COL4A2: variants seen among roughly 807,000 people sequenced by gnomAD.
COL4A2 encodes collagen type IV alpha 2 chain.
COL4A2 carries 99 observed loss-of-function variants against 200.2 expected under a neutral mutation model. The ratio of observed to expected loss-of-function variants is 0.49; its 90% CI spans 0.42 to 0.58. The LOEUF is 0.58. Among genes scored for constraint, COL4A2 ranks in the 20% least tolerant of loss-of-function variants. COL4A2 has a pLI of 0.00. For missense variants in COL4A2, 1,950 were observed against 2,314.1 expected (o/e 0.84, Z 3.23); for synonymous variants, 897 against 900.6 (o/e 1.00, Z 0.07).
chr13:110,464,371 G>C (rs1449590516), intron 24 of COL4A2, among the ~76,000 whole-genome samples: 1 of 152,142 alleles, frequency 6.6e-6, no homozygotes, highest in Non-Finnish European at 1.5e-5. Flanking sequence ...TTCCTTGTTT[G>C]GTGGCATCTC....
intron 11 of COL4A2, among the ~76,000 whole-genome samples, chr13:110,433,499 G>C (rs1352496101): frequency 6.6e-6 from 1 of 152,228 alleles, no homozygotes; most frequent in East Asian, 1.9e-4. Context: ...CCGCGTTTCT[G>C]TGCTTTGATT....
chr13:110,429,687 G>T (rs1880600789), intron 7 of COL4A2, among the ~76,000 whole-genome samples, 198 bp from the exon 8 acceptor site: 1 of 152,132 alleles, frequency 6.6e-6, no homozygotes, highest in Admixed American at 6.5e-5. Flanking sequence ...AGATATGATT[G>T]GGTCAATAGG....
At chr13:110,454,392 A>G (rs567405867) in intron 20 of COL4A2, among the ~76,000 whole-genome samples, 8 of 152,122 alleles carry the variant, frequency 5.3e-5, no homozygotes, top group Non-Finnish European at 1.2e-4. Flanking sequence ...AGCGCCCACA[A>G]TCTCTTTGTC....
chr13:110,391,202 TAA>T (rs1375630265), intron 4 of COL4A2, among the ~76,000 whole-genome samples: 5 of 152,232 alleles, frequency 3.3e-5, no homozygotes, highest in Non-Finnish European at 7.3e-5. Context: ...GTGGGGTCCA[TAA>T]CCCACTGCCT....
intron 3 of COL4A2, among the ~76,000 whole-genome samples, chr13:110,336,116 C>G (rs1876173978): frequency 6.6e-6 from 1 of 152,110 alleles, no homozygotes; most frequent in Admixed American, 6.5e-5. Flanking sequence ...TGATTTTTAA[C>G]TTTTTTAGTC....
At chr13:110,434,642 C>T (rs955141931) in intron 12 of COL4A2, among the ~76,000 whole-genome samples, 200 bp downstream of exon 12, 9 of 152,208 alleles carry the variant, frequency 5.9e-5, no homozygotes, top group African/African-American at 1.9e-4. Flanking sequence ...ATCAACAAGA[C>T]GGTAAACATA....
chr13:110,462,485 A>G, intron 24 of COL4A2, 101 bp downstream of exon 24: 1 of 1,128,850 alleles, frequency 8.9e-7, no homozygotes, highest in Non-Finnish European at 1.3e-6. Flanking sequence ...GCACTAAACC[A>G]ACCTGTGCAT....
In COL4A2 at chr13:110,307,311, C is replaced by G; in HGVS notation, c.-262C>G. The G allele has an allele frequency of 2.9e-6, 1 of 341,134 alleles. No individual in the cohort carries two copies. Among genetic ancestry groups the G allele is most frequent in the Non-Finnish European group, 5.3e-6 (1 of 189,798 alleles). The allele number at this position is 341,134 out of a possible 1,614,324, so 21.1% of individuals were successfully genotyped here. ...GTGTGGCTGCAGTGCGCCGGGACACCAGGGCTCCGCGCTCCGCACTCAAGA... is the reference window on the plus strand; with the variant it reads ...GTGTGGCTGCAGTGCGCCGGGACACGAGGGCTCCGCGCTCCGCACTCAAGA... On this transcript the variant is annotated 5_prime_UTR_variant, in exon 1 of 48. Coordinates refer to ENST00000360467, the MANE Select transcript of COL4A2 (RefSeq NM_001846.4). This position sits in a 1 kb window ranked among gnomAD's most constrained non-coding sequence, Gnocchi z 5.0.
intron 15 of COL4A2, 136 bp downstream of exon 15, chr13:110,438,804 C>CG (rs1566533512): frequency 5.2e-5 from 34 of 650,626 alleles, no homozygotes; most frequent in South Asian, 2.8e-4. Context: ...TACTCCCCAC[C>CG]CCCCCCCACA....
At chr13:110,319,872 G>A (rs1200366024) in intron 3 of COL4A2, among the ~76,000 whole-genome samples, 1 of 152,130 alleles carries the variant, frequency 6.6e-6, no homozygotes, top group Non-Finnish European at 1.5e-5. Context: ...CTTAGTCTTA[G>A]TCATCAGCTC....
intron 4 of COL4A2, among the ~76,000 whole-genome samples, chr13:110,392,755 A>T (rs555179511): frequency 6.6e-6 from 1 of 152,312 alleles, no homozygotes; most frequent in East Asian, 1.9e-4. Flanking sequence ...TCTGGAAACC[A>T]TCTGGTCTGC....
chr13:110,443,833 C>CCTTGG (rs1394862752), intron 16 of COL4A2, among the ~76,000 whole-genome samples: 1 of 152,154 alleles, frequency 6.6e-6, no homozygotes, highest in Non-Finnish European at 1.5e-5. Flanking sequence ...GGTGATTCCT[C>CCTTGG]CTTGGCCATC....
rs1351462767 is a variant in COL4A2 at position 110,504,220 on chromosome 13, G to C, written c.4358G>C (p.Gly1453Ala). The C allele has an allele frequency of 6.2e-7, 1 of 1,614,016 alleles. No homozygotes were observed. Among genetic ancestry groups the C allele is most frequent in the African/African-American group, 1.3e-5 (1 of 74,952 alleles). ...GTGTCTGCTGTTCCCGGCTTCCGGG[G>C]AGATGAAGGACCCATAGGCCACCAG... ...GGVSAVPGFR[G>A]DEGPIGHQGP... Residue 1453 changes from glycine to alanine, a missense_variant, in exon 45 of 48, where the codon GGA becomes GCA. Transcript: ENST00000360467.
chr13:110,344,004 C>T (rs1383866317), intron 3 of COL4A2, among the ~76,000 whole-genome samples: 1 of 151,996 alleles, frequency 6.6e-6, no homozygotes, highest in Non-Finnish European at 1.5e-5. Context: ...ATACCAAGAA[C>T]TGGCATGCCG....
chr13:110,485,809 G>A lies in COL4A2; in HGVS notation c.3180G>A (p.Thr1060=), dbSNP rs745985712. ...GGGTGGCTGGCCCCCCTGGAATTACGGGATTCCCAGGATTCATAGGAAGCC... is the reference window on the plus strand; with the variant it reads ...GGGTGGCTGGCCCCCCTGGAATTACAGGATTCCCAGGATTCATAGGAAGCC... The part of the protein sequence containing the change: ...FPGVAGPPGI[T]GFPGFIGSRG... Residue 1060 remains threonine, a synonymous_variant, in exon 34 of 48, where the codon ACG becomes ACA. Transcript: ENST00000360467. 5.6e-5 allele frequency: 91 copies of A among 1,613,596 alleles called. No homozygotes were observed. The highest frequency in any genetic ancestry group is 1.2e-4 in the African/African-American group (9 of 74,928).
intron 20 of COL4A2, among the ~76,000 whole-genome samples, chr13:110,455,702 G>C (rs994563939): frequency 6.6e-6 from 1 of 152,218 alleles, no homozygotes; most frequent in Non-Finnish European, 1.5e-5. Flanking sequence ...TAAACGTGCA[G>C]TGAGCAAACT....
intron 16 of COL4A2, among the ~76,000 whole-genome samples, chr13:110,442,231 G>A (rs1368070386): frequency 1.3e-5 from 2 of 152,190 alleles, no homozygotes; most frequent in Non-Finnish European, 2.9e-5. Flanking sequence ...AGGATGGTGA[G>A]GCGTCAGGCT....
At chr13:110,351,984 T>C (rs79985262) in intron 3 of COL4A2, among the ~76,000 whole-genome samples, 3,563 of 151,262 alleles carry the variant, frequency 0.024, 137 homozygotes, top group African/African-American at 0.08. Flanking sequence ...TGAAATGGAG[T>C]CCTGAGCTGC....
rs1594121331 is a variant in COL4A2, at chr13:110,512,476, A to G, written c.*285A>G. On this transcript the variant is annotated 3_prime_UTR_variant, in exon 48 of 48. Transcript: ENST00000360467. The stretch of plus-strand genomic sequence containing the variant: ...GAAGGCACAGCTAACCACTTCGCAC[A>G]CACCCATGTAACCACTGCACTTTCC... 2.0e-6 allele frequency: 1 copy of G among 494,214 alleles called. No homozygotes were observed. The allele number at this position is 494,214 out of a possible 1,614,324, so 30.6% of individuals were successfully genotyped here.
Sources: gnomAD v4.1 joint callset for allele counts (sites outside exome capture counted in the v4.1 genomes callset) on GRCh38, gnomAD v4.1.1 for gene constraint, Gnocchi (gnomAD v3.1) non-coding constraint, MANE v1.5 for transcripts, NCBI Gene and HGNC (gene_info 2026-07-23, HGNC 2026-07-21) for gene names.